ATMIN: variants seen among roughly 807,000 people sequenced by gnomAD.
The protein encoded by ATMIN is ATM INteracting protein.
Under a neutral mutation model 49.2 loss-of-function variants are expected in ATMIN, and 24 were observed. That is an observed-to-expected ratio of 0.49 (90% confidence interval 0.35 to 0.69). The LOEUF (loss-of-function observed/expected upper bound fraction) is 0.69. Ranked by LOEUF, ATMIN falls within the 30% of genes least tolerant of loss-of-function variation. The pLI, the probability that ATMIN is intolerant of heterozygous loss-of-function variation, is 0.00. For missense variants in ATMIN, 1,037 were observed against 1,005.5 expected, an observed-to-expected ratio of 1.03 and a Z score of -0.42; for synonymous variants, 450 against 392.5, an observed-to-expected ratio of 1.15 and a Z score of -1.73.
Position 81,035,853 on chromosome 16 carries a change from G to C in ATMIN, c.-18G>C, listed in dbSNP as rs1043580716. On this transcript the variant is annotated 5_prime_UTR_variant, in exon 1 of 4. Transcript: ENST00000299575. The stretch of plus-strand genomic sequence containing the variant: ...GGGGCGGGGCCTACGAACTGGGCCG[G>C]GCGGCCGTGCGGGAGCCATGGCGGC... 2.5e-6 allele frequency: 2 copies of C among 810,208 alleles called. No individual in the cohort carries two copies. Among genetic ancestry groups the C allele is most frequent in the African/African-American group, 3.7e-5 (2 of 53,466 alleles). 50.2% of individuals were successfully genotyped at this position (810,208 alleles called of 1,614,324 possible).
At position 81,043,646 on chromosome 16, in the gene ATMIN, G is replaced by A; in HGVS notation, c.1148G>A (p.Gly383Asp). The A allele has an allele frequency of 3.7e-6, 6 of 1,614,198 alleles. No individual in the cohort carries two copies. Among genetic ancestry groups the A allele is most frequent in the Non-Finnish European group, 5.1e-6 (6 of 1,180,042 alleles). Residue 383 changes from glycine to aspartate, a missense_variant, in exon 4 of 4, where the codon GGT becomes GAT. Transcript: ENST00000299575. Reference sequence around the variant, plus strand: ...ATTGCTGGTGAGCCAATAAGTACTGGTGTTCAAGTGAACTTTGGTAAAAGT... The same window carrying A: ...ATTGCTGGTGAGCCAATAAGTACTGATGTTCAAGTGAACTTTGGTAAAAGT... The part of the protein sequence containing the change: ...NPIAGEPIST[G>D]VQVNFGKSPS...
chr16:81,037,163 T>C (rs1228695673), intron 1 of ATMIN: 3 of 985,306 alleles, frequency 3.0e-6, no homozygotes, highest in South Asian at 4.7e-5. Context: ...GTCATTACAA[T>C]GGCAAGTTTC....
chr16:81,046,663 C>CAG lies in ATMIN; in HGVS notation c.*1694_*1695insGA. 1 of 139,006 alleles carries CAG rather than the reference C, an allele frequency of 7.2e-6. No individual in the cohort carries two copies. The highest frequency in any genetic ancestry group is 2.3e-4 in the South Asian group (1 of 4,376). 8.6% of individuals were successfully genotyped at this position (139,006 alleles called of 1,614,324 possible). A position where few individuals can be genotyped will look rare whatever the true frequency, so the allele number is the denominator to read the frequency against. The stretch of plus-strand genomic sequence containing the variant: ...GCAGCCTGTAAGTTCTCCACATTGA[C>CAG]ACACACACACACACACACACACACA... On this transcript the variant is annotated 3_prime_UTR_variant, in exon 4 of 4. Coordinates refer to ENST00000299575, the MANE Select transcript of ATMIN (RefSeq NM_015251.3).
At chr16:81,041,570 G>C in intron 2 of ATMIN, 89 bp downstream of exon 2, 3 of 1,492,584 alleles carry the variant, frequency 2.0e-6, no homozygotes, top group Middle Eastern at 1.8e-4. Flanking sequence ...GAATTGAGTA[G>C]ACAGCTGCTT....
In ATMIN at chr16:81,036,101, C is replaced by A; in HGVS notation, c.231C>A (p.Ser77=). ...TCCAGCCGTCGGTGAGCGAGCTGTC[C>A]CGGGCCGTGCGGACCAACATCCTGT... The part of the protein sequence containing the change: ...ELIQPSVSEL[S]RAVRTNILCT... The change falls in exon 1 of 4, where the codon TCC becomes TCA. Residue 77 remains serine, a synonymous_variant. Coordinates refer to ENST00000299575, the MANE Select transcript of ATMIN (RefSeq NM_015251.3). 1 of 1,421,690 alleles carries A rather than the reference C, an allele frequency of 7.0e-7. No homozygotes were observed. Among genetic ancestry groups the A allele is most frequent in the Non-Finnish European group, 9.3e-7 (1 of 1,076,996 alleles). The allele number at this position is 1,421,690 out of a possible 1,614,324, so 88.1% of individuals were successfully genotyped here.
At chr16:81,041,190 G>A (rs1477579544) in intron 1 of ATMIN, 166 bp from the exon 2 acceptor site, 6 of 653,016 alleles carry the variant, frequency 9.2e-6, no homozygotes, top group East Asian at 3.0e-5. Context: ...ACCACATTTC[G>A]TTTAATCTAC....
chr16:81,044,656 C>A lies in ATMIN; in HGVS notation c.2158C>A (p.Leu720Met). ...FFLDSSPHLP[L>M]GSILKHSSFS... is the part of the protein sequence containing the mutation. ...CTTAGACAGTAGCCCTCATCTGCCT[C>A]TGGGAAGTATTCTGAAACACTCCAG... The change falls in exon 4 of 4, where the codon CTG becomes ATG. Residue 720 changes from leucine to methionine, a missense_variant. Leu to Met is a conservative substitution (Grantham distance 15). Transcript: ENST00000299575. 1 of 1,614,204 alleles carries A rather than the reference C, an allele frequency of 6.2e-7. No homozygotes were observed. Among genetic ancestry groups the A allele is most frequent in the Non-Finnish European group, 8.5e-7 (1 of 1,180,034 alleles).
In ATMIN at chr16:81,043,769, T is replaced by G; in HGVS notation, c.1271T>G (p.Phe424Cys). The G allele has an allele frequency of 6.2e-7, 1 of 1,614,238 alleles. No individual in the cohort carries two copies. Among genetic ancestry groups the G allele is most frequent in the Non-Finnish European group, 8.5e-7 (1 of 1,180,040 alleles). ...QTDLSYASQN[F>C]IPSAQWATAD... ...GATCTGTCTTATGCCTCACAAAACTTTATACCTTCTGCACAGTGGGCCACT... is the reference window on the plus strand; with the variant it reads ...GATCTGTCTTATGCCTCACAAAACTGTATACCTTCTGCACAGTGGGCCACT... Residue 424 changes from phenylalanine (F) to cysteine (C), a missense_variant, in exon 4 of 4, where the codon TTT becomes TGT. Transcript: ENST00000299575.
At chr16:81,041,957 C>T (rs1276196102) in intron 2 of ATMIN, among the ~76,000 whole-genome samples, 1 of 152,198 alleles carries the variant, frequency 6.6e-6, no homozygotes, top group African/African-American at 2.4e-5. Context: ...CCCTGAGGGT[C>T]TGCTGGAGGG....
intron 1 of ATMIN, 46 bp downstream of exon 1, chr16:81,036,252 A>T (rs935214799): frequency 8.1e-7 from 1 of 1,235,398 alleles, no homozygotes; most frequent in Non-Finnish European, 1.0e-6. Context: ...GCCTGGCTCC[A>T]ACAAAGCGCC....
intron 1 of ATMIN, among the ~76,000 whole-genome samples, chr16:81,038,413 G>T (rs940924224): frequency 2.6e-5 from 4 of 152,160 alleles, no homozygotes; most frequent in Admixed American, 2.6e-4. Context: ...TTACAGGTGT[G>T]AGCCACTGTG....
At position 81,044,197 on chromosome 16, in the gene ATMIN, A is replaced by T. The variant is rs371834642; in HGVS notation, c.1699A>T (p.Asn567Tyr). The change falls in exon 4 of 4, where the codon AAT (asparagine) becomes TAT (tyrosine). Residue 567 changes from asparagine to tyrosine, a missense_variant. Physicochemically the swap from Asn to Tyr is moderately radical, Grantham distance 143. Coordinates refer to ENST00000299575, the MANE Select transcript of ATMIN (RefSeq NM_015251.3). Reference protein sequence around the residue: ...QDIEKSAPIINFSAQNSMLPS... With the variant: ...QDIEKSAPIIYFSAQNSMLPS... ...TATTGAGAAATCTGCACCAATTATAAATTTCAGTGCACAGAATAGTATGCT... is the reference window on the plus strand; with the variant it reads ...TATTGAGAAATCTGCACCAATTATATATTTCAGTGCACAGAATAGTATGCT... 8.1e-6 allele frequency: 13 copies of T among 1,614,186 alleles called. No individual in the cohort carries two copies. The highest frequency in any genetic ancestry group is 1.1e-5 in the Non-Finnish European group (13 of 1,180,012).
rs1053639082 is a variant in ATMIN, at chr16:81,046,603, A to T, written c.*1633A>T. 6.6e-6 allele frequency: 1 copy of T among 151,610 alleles called. No individual in the cohort carries two copies. Among genetic ancestry groups the T allele is most frequent in the African/African-American group, 2.4e-5 (1 of 41,278 alleles). 9.4% of individuals were successfully genotyped at this position (151,610 alleles called of 1,614,324 possible). ...GTATTTAGGAGATCCTGGATTCTTA[A>T]TTGTTGGCTAAGTTCCAGTCAAGTA... On this transcript the variant is annotated 3_prime_UTR_variant, in exon 4 of 4. Transcript: ENST00000299575.
In ATMIN at chr16:81,036,181, A is replaced by G; in HGVS notation, c.311A>G (p.His104Arg). 6.8e-7 allele frequency: 1 copy of G among 1,464,648 alleles called. No individual in the cohort carries two copies. The highest frequency in any genetic ancestry group is 9.1e-7 in the Non-Finnish European group (1 of 1,102,156). 90.7% of individuals were successfully genotyped at this position (1,464,648 alleles called of 1,614,324 possible). A position where few individuals can be genotyped will look rare whatever the true frequency, so the allele number is the denominator to read the frequency against. The change falls in exon 1 of 4, where the codon CAC (histidine) becomes CGC (arginine). Residue 104 changes from histidine to arginine, a missense_variant. Coordinates refer to ENST00000299575, the MANE Select transcript of ATMIN (RefSeq NM_015251.3). ...ILPNSPALNM[H>R]LVKSHRLQDG... ...CCCAACAGCCCCGCGCTCAACATGC[A>G]CCTAGTCAAGAGCCACCGCCTGCAG...
Position 81,043,740 on chromosome 16 carries a change from G to A in ATMIN, c.1242G>A (p.Gln414=). ...ATAGCATTTCTTCAATCAACGTGCA[G>A]ACAGATCTGTCTTATGCCTCACAAA... ...QKNSISSINV[Q]TDLSYASQNF... is the part of the protein sequence containing the mutation. The change falls in exon 4 of 4, where the codon CAG becomes CAA. Residue 414 remains glutamine, a synonymous_variant. Transcript: ENST00000299575. 1 of 1,614,240 alleles carries A rather than the reference G, an allele frequency of 6.2e-7. No homozygotes were observed. The highest frequency in any genetic ancestry group is 8.5e-7 in the Non-Finnish European group (1 of 1,180,040).
At position 81,043,420 on chromosome 16, in the gene ATMIN, G is replaced by T; in HGVS notation, c.922G>T (p.Val308Leu). The change falls in exon 4 of 4, where the codon GTG (valine) becomes TTG (leucine). Residue 308 changes from valine (V) to leucine (L), a missense_variant. Val to Leu is a conservative substitution (Grantham distance 32, BLOSUM62 1). Transcript: ENST00000299575. ...KPKVALVKLPVMQFSVMPVFV... is the reference protein window; with the variant it reads ...KPKVALVKLPLMQFSVMPVFV... ...CAAAGTGGCTTTGGTTAAACTACCC[G>T]TGATGCAGTTTTCTGTCATGCCTGT... 6.2e-7 allele frequency: 1 copy of T among 1,613,276 alleles called. No homozygotes were observed. Among genetic ancestry groups the T allele is most frequent in the Non-Finnish European group, 8.5e-7 (1 of 1,179,952 alleles).
rs183812626 is a variant in ATMIN, at chr16:81,037,792, C to T, written c.336+1586C>T. Among the ~76,000 whole-genome samples the T allele has an allele frequency of 2.4e-3, 369 of 152,074 alleles. 2 individuals are homozygous for T. The highest frequency in any genetic ancestry group is 8.2e-3 in the African/African-American group (342 of 41,464). On this transcript the variant is annotated intron_variant, in intron 1 of 3. Transcript: ENST00000299575. The stretch of plus-strand genomic sequence containing the variant: ...CTGGGATTACAGGCACCTGCCACCA[C>T]ACCCTGCTAATTTTTTTTTGTATTT...
At position 81,043,351 on chromosome 16, in the gene ATMIN, A is replaced by G. The variant is rs747981765; in HGVS notation, c.853A>G (p.Thr285Ala). The change falls in exon 4 of 4, where the codon ACA becomes GCA. Residue 285 changes from threonine to alanine, a missense_variant. By Grantham distance (58) the Thr-to-Ala change is moderately conservative. Coordinates refer to ENST00000299575, the MANE Select transcript of ATMIN (RefSeq NM_015251.3). Reference sequence around the variant, plus strand: ...CTCTAACACTGACAAGCAGACTCTTACAACACCACCGAGATATCCTCAGAA... The same window carrying G: ...CTCTAACACTGACAAGCAGACTCTTGCAACACCACCGAGATATCCTCAGAA... ...CGSNTDKQTL[T>A]TPPRYPQKLL... is the part of the protein sequence containing the mutation. 1.2e-6 allele frequency: 2 copies of G among 1,610,688 alleles called. No individual in the cohort carries two copies. The highest frequency in any genetic ancestry group is 1.7e-6 in the Non-Finnish European group (2 of 1,178,726).
intron 1 of ATMIN, among the ~76,000 whole-genome samples, chr16:81,039,240 A>C (rs753233100): frequency 8.5e-5 from 13 of 152,144 alleles, no homozygotes; most frequent in South Asian, 2.1e-4. Context: ...TTCTGCCCTG[A>C]GTATCTTATT....
Sources: allele counts gnomAD v4.1 joint callset (sites outside exome capture counted in the v4.1 genomes callset), GRCh38; gene constraint gnomAD v4.1.1; transcripts MANE v1.5; gene names NCBI Gene and HGNC (gene_info 2026-07-23, HGNC 2026-07-21).